The following AATK variants were observed in gnomAD, a reference collection of about 807,000 sequenced individuals.
AATK encodes the protein lemur tail kinase 1, also known as serine/threonine-protein kinase LMTK1.
In AATK, 91 loss-of-function variants were observed where a neutral mutation model predicts 114.3. The observed-to-expected ratio is 0.80, with a 90% CI of 0.67 to 0.95. AATK has a LOEUF of 0.95. AATK is among the 40% of genes least tolerant of loss of function. AATK has a pLI of 0.00. For missense variants in AATK, 2,176 were observed against 1,965.2 expected (o/e 1.11, Z -2.03); for synonymous variants, 1,075 against 916.5 (o/e 1.17, Z -3.12).
chr17:81,131,475 G>A (rs1316352012), intron 2 of AATK, among the ~76,000 whole-genome samples: 1 of 152,160 alleles, frequency 6.6e-6, no homozygotes, highest in Non-Finnish European at 1.5e-5. Flanking sequence ...CCAGAGCCAA[G>A]AGGACCCATC....
At chr17:81,151,082 C>A (rs2061288797) in intron 1 of AATK, among the ~76,000 whole-genome samples, 1 of 152,172 alleles carries the variant, frequency 6.6e-6, no homozygotes, top group African/African-American at 2.4e-5. Context: ...CTGTGCCCCC[C>A]TACGAACCAC....
chr17:81,165,891 CA>C, intron 1 of AATK, 46 bp downstream of exon 1: 1 of 1,554,464 alleles, frequency 6.4e-7, no homozygotes, highest in Non-Finnish European at 8.7e-7. Flanking sequence ...ATCACGTCCG[CA>C]GCGGAGGGAG....
chr17:81,124,837 G>C lies in AATK; in HGVS notation c.852C>G (p.Phe284Leu). The C allele has an allele frequency of 6.2e-7, 1 of 1,610,314 alleles. No homozygotes were observed. The highest frequency in any genetic ancestry group is 8.5e-7 in the Non-Finnish European group (1 of 1,178,608). ...LAHCKYREDY[F>L]VTADQLWVPL... is the part of the protein sequence containing the mutation. ...GCACCCACAGCTGGTCGGCAGTCAC[G>C]AAGTAGTCCTCCTGTTGGCACAGGG... The change falls in exon 9 of 14, where the codon TTC becomes TTG. Residue 284 changes from phenylalanine to leucine, a missense_variant. By Grantham distance (22) the Phe-to-Leu change is conservative. Coordinates refer to ENST00000326724, the MANE Select transcript of AATK (RefSeq NM_001080395.3).
rs553451689 is a variant in AATK, at chr17:81,140,762, C to T, written c.56-6261G>A. ...GCCGGGAGACCGTGGGGCCGTGAGC[C>T]GTGGGGCTGTGGGGCGGTGAGACCG... On this transcript the variant is annotated intron_variant, in intron 1 of 13. Coordinates refer to ENST00000326724, the MANE Select transcript of AATK (RefSeq NM_001080395.3). Among the ~76,000 whole-genome samples, 23 of 93,552 alleles carry T rather than the reference C, an allele frequency of 2.5e-4. 1 individual carries two copies. The highest frequency in any genetic ancestry group is 4.8e-4 in the Non-Finnish European group (22 of 46,296). The allele number at this position is 93,552 out of a possible 152,430, so 61.4% of individuals were successfully genotyped here.
At chr17:81,162,779 G>C (rs1394566630) in intron 1 of AATK, among the ~76,000 whole-genome samples, 1 of 152,204 alleles carries the variant, frequency 6.6e-6, no homozygotes, top group African/African-American at 2.4e-5. Flanking sequence ...TCAGACACAG[G>C]GAGAGACCTT....
In AATK at chr17:81,122,373, C is replaced by T. The variant is rs1257216615; in HGVS notation, c.1563G>A (p.Ala521=). The T allele has an allele frequency of 4.7e-6, 7 of 1,498,030 alleles. No homozygotes were observed. In the South Asian group the frequency reaches 4.9e-5, roughly 11 times the overall value. The allele number at this position is 1,498,030 out of a possible 1,614,324, so 92.8% of individuals were successfully genotyped here. ...APPGVVPVLS[A]HSPSLGSEYF... Reference sequence around the variant, plus strand: ...ACTCGCTGCCCAGCGACGGGCTGTGCGCGCTGAGCACCGGAACCACGCCCG... The same window carrying T: ...ACTCGCTGCCCAGCGACGGGCTGTGTGCGCTGAGCACCGGAACCACGCCCG... The change falls in exon 11 of 14, where the codon GCG becomes GCA. Residue 521 remains alanine, a synonymous_variant. Transcript: ENST00000326724.
chr17:81,146,505 C>G (rs1042551176), intron 1 of AATK, among the ~76,000 whole-genome samples: 4 of 152,040 alleles, frequency 2.6e-5, no homozygotes, highest in African/African-American at 9.7e-5. Flanking sequence ...CACTTGAGGT[C>G]AGGAGTTTGA....
chr17:81,122,940 C>T lies in AATK; in HGVS notation c.1113-117G>A, dbSNP rs1052395884. The T allele has an allele frequency of 8.6e-6, 9 of 1,048,230 alleles. No individual in the cohort carries two copies. The Admixed American group carries it at 2.7e-4, about 31-fold the overall frequency. 64.9% of individuals were successfully genotyped at this position (1,048,230 alleles called of 1,614,324 possible). A position where few individuals can be genotyped will look rare whatever the true frequency, so the allele number is the denominator to read the frequency against. On this transcript the variant is annotated intron_variant, in intron 10 of 13. Transcript: ENST00000326724. ...TGTCTTGGGGGCATTAAGGGTATCTCCCACTTAATTGACACCCCAAATCTG... is the reference window on the plus strand; with the variant it reads ...TGTCTTGGGGGCATTAAGGGTATCTTCCACTTAATTGACACCCCAAATCTG...
rs1039224311 is a variant in AATK, at chr17:81,119,800, G to A, written c.3883+136C>T. 71 of 1,321,858 alleles carry A rather than the reference G, an allele frequency of 5.4e-5. No individual in the cohort carries two copies. In the Middle Eastern group the frequency reaches 1.1e-3, roughly 20 times the overall value. The allele number at this position is 1,321,858 out of a possible 1,614,324, so 81.9% of individuals were successfully genotyped here. A position where few individuals can be genotyped will look rare whatever the true frequency, so the allele number is the denominator to read the frequency against. Reference sequence around the variant, plus strand: ...CAGACCCGCCTCCCATGACGACACGGGCCAAAGCCCGCCTCCCACGCGTCA... The same window carrying A: ...CAGACCCGCCTCCCATGACGACACGAGCCAAAGCCCGCCTCCCACGCGTCA... On this transcript the variant is annotated intron_variant, in intron 12 of 13. Transcript: ENST00000326724.
rs200255480 is a variant in AATK, at chr17:81,120,243, G to A, written c.3693C>T (p.Ala1231=). ...FCEDLERKKK[A]VSFFDDVTVY... is the part of the protein sequence containing the mutation. Reference sequence around the variant, plus strand: ...CGGTGACGTCGTCGAAGAAGGACACGGCCTTCTTCTTGCGTTCCAGGTCCT... The same window carrying A: ...CGGTGACGTCGTCGAAGAAGGACACAGCCTTCTTCTTGCGTTCCAGGTCCT... Residue 1231 remains alanine, a synonymous_variant, in exon 11 of 14, where the codon GCC becomes GCT. Coordinates refer to ENST00000326724, the MANE Select transcript of AATK (RefSeq NM_001080395.3). 2.5e-6 allele frequency: 4 copies of A among 1,594,018 alleles called. No individual in the cohort carries two copies. Among genetic ancestry groups the A allele is most frequent in the Admixed American group, 1.7e-5 (1 of 59,366 alleles).
chr17:81,152,288 AAAT>A lies in AATK; in HGVS notation c.55+13647_55+13649del, dbSNP rs1437498577. ...CATGACTCAGTCTCAAAAAAAATAA[AAAT>A]AAAAAATCCTTTGGCCGGGAGTGGT... is the stretch of plus-strand genomic sequence containing the variant. On this transcript the variant is annotated intron_variant, in intron 1 of 13. Transcript: ENST00000326724. 7.9e-5 allele frequency among the ~76,000 whole-genome samples: 12 copies of A among 152,272 alleles called. 1 individual carries two copies. The East Asian group carries it at 1.9e-3, about 25-fold the overall frequency.
intron 1 of AATK, among the ~76,000 whole-genome samples, chr17:81,138,149 G>A (rs1040719289): frequency 2.7e-4 from 38 of 139,962 alleles, no homozygotes; most frequent in African/African-American, 9.0e-4. Flanking sequence ...ACACATACGC[G>A]CACGCCCACA....
intron 1 of AATK, among the ~76,000 whole-genome samples, chr17:81,159,007 C>T (rs907559077): frequency 1.3e-5 from 2 of 152,204 alleles, no homozygotes; most frequent in African/African-American, 2.4e-5. Flanking sequence ...ATGAGACAGA[C>T]GTCCAGGCCA....
At chr17:81,141,610 G>A (rs1440484469) in intron 1 of AATK, among the ~76,000 whole-genome samples, 1 of 152,220 alleles carries the variant, frequency 6.6e-6, no homozygotes, top group East Asian at 1.9e-4. Flanking sequence ...CAACCCCTGT[G>A]CCTCCTGGGA....
chr17:81,123,289 G>A lies in AATK; in HGVS notation c.1017C>T (p.Pro339=). Residue 339 remains proline (P), a synonymous_variant, in exon 10 of 14, where the codon CCC becomes CCT. Coordinates refer to ENST00000326724, the MANE Select transcript of AATK (RefSeq NM_001080395.3). Reference sequence around the variant, plus strand: ...CCAGCACCTGCTGGTCCGAGTGCTGGGGATAGGGCTGCGTGCCCAGCTCAA... The same window carrying A: ...CCAGCACCTGCTGGTCCGAGTGCTGAGGATAGGGCTGCGTGCCCAGCTCAA... ...ELFELGTQPY[P]QHSDQQVLAY... The A allele has an allele frequency of 7.1e-7, 1 of 1,403,922 alleles. No homozygotes were observed. Among genetic ancestry groups the A allele is most frequent in the Non-Finnish European group, 9.3e-7 (1 of 1,078,004 alleles). The allele number at this position is 1,403,922 out of a possible 1,614,324, so 87.0% of individuals were successfully genotyped here.
intron 1 of AATK, among the ~76,000 whole-genome samples, chr17:81,148,260 A>T (rs920295169): frequency 1.6e-4 from 25 of 152,306 alleles, no homozygotes; most frequent in African/African-American, 6.0e-4. Context: ...ACCTGATCCC[A>T]TCACTGCTGC....
Position 81,120,842 on chromosome 17 carries a change from G to A in AATK, c.3094C>T (p.Gln1032Ter). Residue 1032 changes from glutamine (Q) to a stop codon, truncating the protein, a stop_gained, in exon 11 of 14, where the codon CAG becomes TAG. Coordinates refer to ENST00000326724, the MANE Select transcript of AATK (RefSeq NM_001080395.3). LOFTEE classifies it high-confidence loss of function. ...GPELGLPSTG[Q>*]PSEQVCLRPG... ...CTGAGACAGACCTGCTCAGACGGCTGCCCAGTGCTCGGCAGGCCCAGCTCT... is the reference window on the plus strand; with the variant it reads ...CTGAGACAGACCTGCTCAGACGGCTACCCAGTGCTCGGCAGGCCCAGCTCT... The A allele has an allele frequency of 6.3e-7, 1 of 1,579,618 alleles. No homozygotes were observed. The highest frequency in any genetic ancestry group is 8.6e-7 in the Non-Finnish European group (1 of 1,163,094).
At chr17:81,155,934 G>A (rs1004266452) in intron 1 of AATK, among the ~76,000 whole-genome samples, 2 of 151,974 alleles carry the variant, frequency 1.3e-5, no homozygotes, top group East Asian at 1.9e-4. Flanking sequence ...CTCTTGCCTC[G>A]GCCTCCCAAA....
rs376418641 is a variant in AATK at position 81,165,598 on chromosome 17, C to G, written c.55+340G>C. ...AGCCTGAACCCCAGCTGGCTGACAC[C>G]CCCCACACCCCCAAGGGCCCTTAGT... is the stretch of plus-strand genomic sequence containing the variant. On this transcript the variant is annotated intron_variant, in intron 1 of 13. Transcript: ENST00000326724. 8.7e-6 allele frequency: 12 copies of G among 1,380,254 alleles called. No homozygotes were observed. The African/African-American group carries it at 1.6e-4, about 18-fold the overall frequency. The allele number at this position is 1,380,254 out of a possible 1,614,324, so 85.5% of individuals were successfully genotyped here.
Sources: gnomAD v4.1 joint callset for allele counts (sites outside exome capture counted in the v4.1 genomes callset) on GRCh38, gnomAD v4.1.1 for gene constraint, MANE v1.5 for transcripts, NCBI Gene and HGNC (gene_info 2026-07-23, HGNC 2026-07-21) for gene names.